GOLGA3: variants seen among roughly 807,000 people sequenced by gnomAD.
GOLGA3 encodes golgin A3, also known as golgin subfamily A member 3.
A neutral mutation model predicts 169.4 loss-of-function variants in GOLGA3; 75 were observed. The ratio of observed to expected loss-of-function variants is 0.44; its 90% CI spans 0.37 to 0.54. The LOEUF is 0.54. Ranked by LOEUF, GOLGA3 falls within the 20% of genes least tolerant of loss-of-function variation. GOLGA3 has a pLI of 0.00. For synonymous variants in GOLGA3, 824 were observed against 822.4 expected, an observed-to-expected ratio of 1.00 and a Z score of -0.03; for missense variants, 1,899 against 1,930.0, an observed-to-expected ratio of 0.98 and a Z score of 0.30.
Position 132,816,775 on chromosome 12 carries a change from G to A in GOLGA3, c.171C>T (p.Ser57=). The change falls in exon 3 of 24, where the codon AGC becomes AGT. Residue 57 remains serine (S), a synonymous_variant. Coordinates refer to ENST00000450791, the MANE Select transcript of GOLGA3 (RefSeq NM_001389683.1). ...EVNRASTEGE[S]PDGPGQGGLC... ...GGCCTCCCTGGCCAGGTCCATCCGG[G>A]CTTTCCCCTTCCGTGGATGCTCTGT... is the stretch of plus-strand genomic sequence containing the variant. The A allele has an allele frequency of 1.2e-6, 2 of 1,608,288 alleles. No individual in the cohort carries two copies. Among genetic ancestry groups the A allele is most frequent in the Non-Finnish European group, 1.7e-6 (2 of 1,175,296 alleles).
chr12:132,772,046 C>T lies in GOLGA3; in HGVS notation c.*1059G>A, dbSNP rs1224224922. 6.6e-6 allele frequency: 1 copy of T among 152,250 alleles called. No homozygotes were observed. The highest frequency in any genetic ancestry group is 1.5e-5 in the Non-Finnish European group (1 of 68,050). 9.4% of individuals were successfully genotyped at this position (152,250 alleles called of 1,614,324 possible). On this transcript the variant is annotated 3_prime_UTR_variant, in exon 24 of 24. Coordinates refer to ENST00000450791, the MANE Select transcript of GOLGA3 (RefSeq NM_001389683.1). Reference sequence around the variant, plus strand: ...AAGAGACCAGCAGGAAGGAAAGATCCTCAGCAACAAAGTAAAACCAGAACA... The same window carrying T: ...AAGAGACCAGCAGGAAGGAAAGATCTTCAGCAACAAAGTAAAACCAGAACA...
In GOLGA3 at chr12:132,808,277, C is replaced by G. The variant is rs111801600; in HGVS notation, c.792G>C (p.Pro264=). Residue 264 remains proline, a synonymous_variant, in exon 5 of 24, where the codon CCG becomes CCC. Transcript: ENST00000450791. ...SNAGNSGGNV[P]APDSTKGSLK... Reference sequence around the variant, plus strand: ...GGGAACCCTTGGTAGAATCGGGAGCCGGGACATTTCCCCCAGAATTCCCCG... The same window carrying G: ...GGGAACCCTTGGTAGAATCGGGAGCGGGGACATTTCCCCCAGAATTCCCCG... 2.5e-6 allele frequency: 4 copies of G among 1,613,954 alleles called. No individual in the cohort carries two copies. Among genetic ancestry groups the G allele is most frequent in the South Asian group, 1.1e-5 (1 of 91,082 alleles).
In GOLGA3 at chr12:132,828,808, T is replaced by C. The variant is rs908965565; in HGVS notation, c.-189A>G. ...GCGGCCTCCGAGCCCCTCACCCTGC[T>C]GCTCTGGCAGCCCCGGAGGCCGCCC... On this transcript the variant is annotated 5_prime_UTR_variant, in exon 1 of 24. Coordinates refer to ENST00000450791, the MANE Select transcript of GOLGA3 (RefSeq NM_001389683.1). The C allele has an allele frequency of 4.6e-5, 7 of 152,282 alleles. No homozygotes were observed. The highest frequency in any genetic ancestry group is 1.2e-4 in the African/African-American group (5 of 41,420). The allele number at this position is 152,282 out of a possible 1,614,324, so 9.4% of individuals were successfully genotyped here. A position where few individuals can be genotyped will look rare whatever the true frequency, so the allele number is the denominator to read the frequency against.
Position 132,777,876 on chromosome 12 carries a change from G to C in GOLGA3, c.3583-71C>G. 2.6e-6 allele frequency: 4 copies of C among 1,543,916 alleles called. No homozygotes were observed. The highest frequency in any genetic ancestry group is 2.4e-5 in the South Asian group (2 of 83,876). ...CAGCTTTATGACGTGCCGGGCGCAG[G>C]GGGTGAATGCACTCCCGGCCCCGTG... On this transcript the variant is annotated intron_variant, in intron 18 of 23. Coordinates refer to ENST00000450791, the MANE Select transcript of GOLGA3 (RefSeq NM_001389683.1). This position sits in a 1 kb window ranked among gnomAD's most constrained non-coding sequence, Gnocchi z 4.7.
rs1395756162 is a variant in GOLGA3, at chr12:132,786,247, C to T, written c.3123+92G>A. The T allele has an allele frequency of 2.9e-5, 26 of 898,082 alleles. No homozygotes were observed. In the South Asian group the frequency reaches 3.2e-4, roughly 11 times the overall value. 55.6% of individuals were successfully genotyped at this position (898,082 alleles called of 1,614,324 possible). Reference sequence around the variant, plus strand: ...GCCACCTCCCACGCGAGCTCGGCCCCGCTAGGCTTTAGGGGACAACTGCTG... The same window carrying T: ...GCCACCTCCCACGCGAGCTCGGCCCTGCTAGGCTTTAGGGGACAACTGCTG... On this transcript the variant is annotated intron_variant, in intron 15 of 23. Transcript: ENST00000450791.
intron 17 of GOLGA3, among the ~76,000 whole-genome samples, chr12:132,781,476 T>C (rs139640528): frequency 0.027 from 4,038 of 152,164 alleles, 162 homozygotes; most frequent in African/African-American, 0.091. Context: ...GGAGAATCGC[T>C]TGAACCCGGG....
intron 12 of GOLGA3, 60 bp downstream of exon 12, chr12:132,791,156 C>T (rs2046211464): frequency 1.3e-6 from 1 of 789,192 alleles, no homozygotes; most frequent in Non-Finnish European, 2.1e-6. Flanking sequence ...AGCAATTAAA[C>T]CACAGAAAAC....
At chr12:132,829,026 T>TGTGATGA (rs1163207772), upstream of GOLGA3, among the ~76,000 whole-genome samples, 1 of 152,246 alleles carries the variant, frequency 6.6e-6, no homozygotes, top group Non-Finnish European at 1.5e-5. Context: ...CACCTCCGAC[T>TGTGATGA]GTGATGAGGC....
chr12:132,816,785 T>C lies in GOLGA3; in HGVS notation c.161A>G (p.Glu54Gly). 1.2e-6 allele frequency: 2 copies of C among 1,605,468 alleles called. No homozygotes were observed. The highest frequency in any genetic ancestry group is 1.7e-6 in the Non-Finnish European group (2 of 1,173,186). The change falls in exon 3 of 24, where the codon GAA becomes GGA. Residue 54 changes from glutamate (E) to glycine (G), a missense_variant. Transcript: ENST00000450791. ...QCAEVNRAST[E>G]GESPDGPGQG... ...GCCAGGTCCATCCGGGCTTTCCCCT[T>C]CCGTGGATGCTCTGTTTACCTCGGC...
At chr12:132,818,101 A>AC (rs141806263) in intron 2 of GOLGA3, among the ~76,000 whole-genome samples, 2 of 140,554 alleles carry the variant, frequency 1.4e-5, no homozygotes, top group Non-Finnish European at 3.0e-5. Flanking sequence ...TCTAAGGTGA[A>AC]CCCCCCCTCC....
intron 11 of GOLGA3, among the ~76,000 whole-genome samples, chr12:132,795,164 C>T (rs1948768110): frequency 1.4e-5 from 2 of 140,582 alleles, no homozygotes; most frequent in Non-Finnish European, 3.0e-5. Context: ...TCCAGCCTGG[C>T]GACAGAGTGA....
intron 16 of GOLGA3, among the ~76,000 whole-genome samples, chr12:132,783,123 G>T (rs959516366): frequency 6.6e-6 from 1 of 151,994 alleles, no homozygotes; most frequent in Non-Finnish European, 1.5e-5. Flanking sequence ...TTGAACCTGG[G>T]AAGTGGAGGC....
intron 17 of GOLGA3, 75 bp from the exon 18 acceptor site, chr12:132,780,989 C>T (rs1372289071): frequency 5.8e-6 from 6 of 1,043,468 alleles, no homozygotes; most frequent in South Asian, 5.1e-5. Flanking sequence ...CAGCAGGCAA[C>T]GTGACACACG....
intron 11 of GOLGA3, among the ~76,000 whole-genome samples, chr12:132,792,390 G>A (rs879853579): frequency 2.6e-5 from 4 of 152,240 alleles, no homozygotes; most frequent in African/African-American, 4.8e-5. Flanking sequence ...CAGCACAGGC[G>A]AGCGAGCAGG....
chr12:132,781,012 C>A, intron 17 of GOLGA3, 98 bp from the exon 18 acceptor site: 1 of 842,616 alleles, frequency 1.2e-6, no homozygotes, highest in Non-Finnish European at 2.0e-6. Context: ...ACATCACAGG[C>A]ACACGCCAGG....
chr12:132,775,044 C>G, intron 22 of GOLGA3, 97 bp downstream of exon 22: 2 of 1,073,842 alleles, frequency 1.9e-6, no homozygotes, highest in South Asian at 1.5e-5. Context: ...TCAACAAATC[C>G]GTTTATGTCT....
In GOLGA3 at chr12:132,773,064, G is replaced by A. The variant is rs772150671; in HGVS notation, c.*41C>T. ...AATCAAATAAATAACATTGATAAGAGCCTTCTGGGGCAGCGGCGCACGGAG... is the reference window on the plus strand; with the variant it reads ...AATCAAATAAATAACATTGATAAGAACCTTCTGGGGCAGCGGCGCACGGAG... On this transcript the variant is annotated 3_prime_UTR_variant, in exon 24 of 24. Transcript: ENST00000450791. 8 of 1,326,726 alleles carry A rather than the reference G, an allele frequency of 6.0e-6. No homozygotes were observed. Among genetic ancestry groups the A allele is most frequent in the Middle Eastern group, 1.9e-4 (1 of 5,358 alleles). The allele number at this position is 1,326,726 out of a possible 1,614,324, so 82.2% of individuals were successfully genotyped here.
At chr12:132,790,053 CG>C (rs2046141742) in intron 12 of GOLGA3, among the ~76,000 whole-genome samples, 1 of 151,940 alleles carries the variant, frequency 6.6e-6, no homozygotes. Context: ...AATTACAGGC[CG>C]GGCGTGGTGG....
rs752508853 is a variant in GOLGA3 at position 132,796,243 on chromosome 12, A to G, written c.2101-23T>C. 1.1e-5 allele frequency: 18 copies of G among 1,569,192 alleles called. No individual in the cohort carries two copies. The South Asian group carries it at 2.0e-4, about 18-fold the overall frequency. ...CACCTGGAGAAGGAATGAAGCCCACATGGCTGCGCCTGACCCTCCTCCGAG... is the reference window on the plus strand; with the variant it reads ...CACCTGGAGAAGGAATGAAGCCCACGTGGCTGCGCCTGACCCTCCTCCGAG... On this transcript the variant is annotated intron_variant, in intron 10 of 23. Transcript: ENST00000450791.
Sources: allele counts gnomAD v4.1 joint callset (sites outside exome capture counted in the v4.1 genomes callset), GRCh38; gene constraint gnomAD v4.1.1; non-coding constraint Gnocchi (gnomAD v3.1); transcripts MANE v1.5; gene names NCBI Gene and HGNC (gene_info 2026-07-23, HGNC 2026-07-21).